Variants in PIWIL2 observed in about 807,000 individuals in gnomAD.
PIWIL2 encodes the protein piwi-like protein 2.
PIWIL2 carries 81 observed loss-of-function variants against 116.5 expected under a neutral mutation model. That is an observed-to-expected ratio of 0.70 (90% confidence interval 0.58 to 0.84). The LOEUF (loss-of-function observed/expected upper bound fraction) is 0.84, where lower values mean the gene tolerates loss of function less well. Ranked by LOEUF, PIWIL2 falls within the 40% of genes least tolerant of loss-of-function variation. PIWIL2 has a pLI of 0.00. For synonymous variants in PIWIL2, 489 were observed against 429.5 expected (o/e 1.14, Z -1.71); for missense variants, 1,272 against 1,212.3 (o/e 1.05, Z -0.73).
In PIWIL2 at chr8:22,355,577, AAC is replaced by A. The variant is rs891027436; in HGVS notation, c.*74_*75del. On this transcript the variant is annotated 3_prime_UTR_variant, in exon 23 of 23. Transcript: ENST00000356766. ...ACTCAGCTGTGACTCTTGCAGAATC[AAC>A]AGAGACTGAAGTGGGCTTTTGTGTT... 7.3e-7 allele frequency: 1 copy of A among 1,370,342 alleles called. No homozygotes were observed. Among genetic ancestry groups the A allele is most frequent in the Non-Finnish European group, 1.0e-6 (1 of 977,988 alleles). The allele number at this position is 1,370,342 out of a possible 1,614,324, so 84.9% of individuals were successfully genotyped here.
intron 6 of PIWIL2, among the ~76,000 whole-genome samples, chr8:22,285,104 C>G (rs1830600835): frequency 6.6e-6 from 1 of 152,166 alleles, no homozygotes; most frequent in African/African-American, 2.4e-5. Flanking sequence ...CATTTAAAAT[C>G]TCTTTCAGGA....
Position 22,315,051 on chromosome 8 carries a change from G to A in PIWIL2, c.2114G>A (p.Gly705Asp). The change falls in exon 18 of 23, where the codon GGT (glycine) becomes GAT (aspartate). Residue 705 changes from glycine (G) to aspartate (D), a missense_variant. Transcript: ENST00000356766. ...PSQVVNVRTI[G>D]QPTRLRSVAQ... ...TAGGTTGTCAATGTTCGAACCATTGGTCAGCCCACCAGGCTTCGGAGTGTG... is the reference window on the plus strand; with the variant it reads ...TAGGTTGTCAATGTTCGAACCATTGATCAGCCCACCAGGCTTCGGAGTGTG... The A allele has an allele frequency of 6.2e-7, 1 of 1,613,044 alleles. No individual in the cohort carries two copies. Among genetic ancestry groups the A allele is most frequent in the East Asian group, 2.2e-5 (1 of 44,874 alleles).
chr8:22,276,843 C>G (rs1241067140), intron 1 of PIWIL2, among the ~76,000 whole-genome samples: 1 of 151,806 alleles, frequency 6.6e-6, no homozygotes, highest in African/African-American at 2.4e-5. Context: ...GTTGAGACTG[C>G]AGTGAGCTAA....
Position 22,284,180 on chromosome 8 carries a change from A to G in PIWIL2, c.651A>G (p.Gln217=), listed in dbSNP as rs1212574205. Residue 217 remains glutamine, a synonymous_variant, in exon 6 of 23, where the codon CAA becomes CAG. Coordinates refer to ENST00000356766, the MANE Select transcript of PIWIL2 (RefSeq NM_018068.5). The part of the protein sequence containing the change: ...EHKEKELIVK[Q]GSKGTPQSLG... ...TTTCTAGAGAGCTTATTGTGAAGCA[A>G]GGATCAAAAGGAACACCTCAGTCTT... The G allele has an allele frequency of 6.3e-7, 1 of 1,587,798 alleles. No individual in the cohort carries two copies. The highest frequency in any genetic ancestry group is 8.6e-7 in the Non-Finnish European group (1 of 1,168,972).
At chr8:22,278,492 C>T (rs560057328) in intron 1 of PIWIL2, among the ~76,000 whole-genome samples, 18 of 152,308 alleles carry the variant, frequency 1.2e-4, no homozygotes, top group African/African-American at 4.1e-4. Flanking sequence ...TGCACTCCAG[C>T]CTGGGCGACA....
intron 10 of PIWIL2, among the ~76,000 whole-genome samples, chr8:22,290,936 T>C (rs1413822414): frequency 6.6e-6 from 1 of 151,708 alleles, no homozygotes; most frequent in African/African-American, 2.4e-5. Flanking sequence ...TAATATACAA[T>C]GTATGTGTTA....
chr8:22,324,416 C>T (rs1435744916), intron 20 of PIWIL2, among the ~76,000 whole-genome samples: 1 of 152,148 alleles, frequency 6.6e-6, no homozygotes, highest in African/African-American at 2.4e-5. Flanking sequence ...AGACTGCCGG[C>T]AGCAATACTA....
chr8:22,327,112 C>T (rs1292910343), intron 20 of PIWIL2, among the ~76,000 whole-genome samples: 1 of 147,422 alleles, frequency 6.8e-6, no homozygotes, highest in East Asian at 2.0e-4. Context: ...ACTGCAGCCT[C>T]CACCTCCTAA....
At position 22,296,948 on chromosome 8, in the gene PIWIL2, C is replaced by T. The variant is rs570254202; in HGVS notation, c.1181+6602C>T. On this transcript the variant is annotated intron_variant, in intron 10 of 22. Coordinates refer to ENST00000356766, the MANE Select transcript of PIWIL2 (RefSeq NM_018068.5). ...CTGGATTTGGCAGTTATTTTCTTTTCGCCCTTTGAGAAATATTTTCTGGCT... is the reference window on the plus strand; with the variant it reads ...CTGGATTTGGCAGTTATTTTCTTTTTGCCCTTTGAGAAATATTTTCTGGCT... Among the ~76,000 whole-genome samples the T allele has an allele frequency of 1.5e-3, 234 of 151,936 alleles. 5 individuals carry two copies. Among genetic ancestry groups the T allele is most frequent in the Non-Finnish European group, 5.4e-4 (37 of 67,962 alleles).
At chr8:22,301,170 G>GA (rs1255295204) in intron 10 of PIWIL2, among the ~76,000 whole-genome samples, 40 of 151,924 alleles carry the variant, frequency 2.6e-4, no homozygotes. Context: ...TTTTTGTAGA[G>GA]ATAGAGTTTC....
intron 20 of PIWIL2, among the ~76,000 whole-genome samples, chr8:22,327,357 GT>G (rs1166305411): frequency 7.0e-6 from 1 of 142,212 alleles, no homozygotes; most frequent in Admixed American, 7.1e-5. Flanking sequence ...TTTTTGTGGG[GT>G]TTTTTGTTTC....
intron 16 of PIWIL2, among the ~76,000 whole-genome samples, chr8:22,312,684 A>T (rs544449398): frequency 5.2e-4 from 79 of 152,260 alleles, no homozygotes; most frequent in Non-Finnish European, 7.9e-4. Flanking sequence ...TCTGTTGCTC[A>T]GGCTAAAGTA....
chr8:22,282,990 G>T, intron 4 of PIWIL2, 44 bp from the exon 5 acceptor site: 1 of 1,414,526 alleles, frequency 7.1e-7, no homozygotes, highest in Non-Finnish European at 1.0e-6. Context: ...ATGGGACATA[G>T]CTATTATAAA....
intron 10 of PIWIL2, 91 bp downstream of exon 10, chr8:22,290,437 CTGTT>C (rs1830733430): frequency 3.1e-5 from 22 of 710,846 alleles, no homozygotes; most frequent in South Asian, 2.2e-4. Flanking sequence ...AGACATTGTT[CTGTT>C]TGTTTGTTTT....
At chr8:22,316,378 AG>A (rs1464278592) in intron 19 of PIWIL2, 45 bp downstream of exon 19, 4 of 1,079,874 alleles carry the variant, frequency 3.7e-6, no homozygotes, top group Admixed American at 1.7e-5. Context: ...ATTTCATTTT[AG>A]TGCCTAATCT....
intron 12 of PIWIL2, 103 bp from the exon 13 acceptor site, chr8:22,305,824 G>T: frequency 1.3e-6 from 1 of 783,706 alleles, no homozygotes; most frequent in South Asian, 1.5e-5. Context: ...AGTGCGCAAG[G>T]TATATCACTG....
chr8:22,344,371 A>G (rs1586596780), intron 20 of PIWIL2, among the ~76,000 whole-genome samples: 1 of 152,338 alleles, frequency 6.6e-6, no homozygotes, highest in East Asian at 1.9e-4. Context: ...CAGTTGTAAC[A>G]AGTGTACCAT....
chr8:22,338,276 G>A (rs1832026976), intron 20 of PIWIL2, among the ~76,000 whole-genome samples: 1 of 152,180 alleles, frequency 6.6e-6, no homozygotes, highest in South Asian at 2.1e-4. Flanking sequence ...ACACAAACCT[G>A]CCAGAACTAG....
intron 20 of PIWIL2, among the ~76,000 whole-genome samples, chr8:22,348,626 C>T (rs1303922024): frequency 6.6e-6 from 1 of 152,162 alleles, no homozygotes; most frequent in East Asian, 1.9e-4. Context: ...AAAAAATTAG[C>T]CGGGCTTGAT....
Sources: gnomAD v4.1 joint callset for allele counts (sites outside exome capture counted in the v4.1 genomes callset) on GRCh38, gnomAD v4.1.1 for gene constraint, MANE v1.5 for transcripts, NCBI Gene and HGNC (gene_info 2026-07-23, HGNC 2026-07-21) for gene names.